MAGI1: variants seen among roughly 807,000 people sequenced by gnomAD.
The protein encoded by MAGI1 is membrane-associated guanylate kinase, WW and PDZ domain-containing protein 1.
A neutral mutation model predicts 139.9 loss-of-function variants in MAGI1; 58 were observed. That is an observed-to-expected ratio of 0.41 (90% CI 0.34 to 0.52). The LOEUF (loss-of-function observed/expected upper bound fraction) is 0.52, where lower values mean the gene tolerates loss of function less well. MAGI1 is among the 20% of genes least tolerant of loss of function. The pLI, the probability that MAGI1 is intolerant of heterozygous loss-of-function variation, is 0.12. For synonymous variants in MAGI1, 812 were observed against 737.9 expected (o/e 1.10, Z -1.63); for missense variants, 1,874 against 1,901.6 (o/e 0.99, Z 0.27).
chr3:65,519,335 G>GAC (rs35232258), intron 2 of MAGI1, among the ~76,000 whole-genome samples: 15 of 139,138 alleles, frequency 1.1e-4, no homozygotes, highest in African/African-American at 4.1e-4. Flanking sequence ...ATCATGATCT[G>GAC]ACACACACAC....
At chr3:65,645,700 A>T (rs913107056) in intron 1 of MAGI1, among the ~76,000 whole-genome samples, 1 of 152,162 alleles carries the variant, frequency 6.6e-6, no homozygotes, top group Non-Finnish European at 1.5e-5. Flanking sequence ...ATGTGGCTCT[A>T]AGAGTACATG....
At chr3:65,859,697 G>A (rs569923128) in intron 1 of MAGI1, among the ~76,000 whole-genome samples, 1 of 151,488 alleles carries the variant, frequency 6.6e-6, no homozygotes, top group African/African-American at 2.4e-5. Context: ...CGCCAGCCTG[G>A]GTGACAGAGC....
Position 65,708,419 on chromosome 3 carries a change from C to T in MAGI1, c.314-86331G>A, listed in dbSNP as rs140104011. On this transcript the variant is annotated intron_variant, in intron 1 of 22. Transcript: ENST00000402939. ...GAGGAGCAGCCAGGTGCTTGCTTCA[C>T]TGATAGAGGTGACAGACCCCTCAGA... is the stretch of plus-strand genomic sequence containing the variant. 1.2e-3 allele frequency among the ~76,000 whole-genome samples: 186 copies of T among 152,316 alleles called. 1 individual carries two copies. Among genetic ancestry groups the T allele is most frequent in the African/African-American group, 4.4e-3 (182 of 41,570 alleles).
In MAGI1 at chr3:65,419,231, C is replaced by CACACACACACACACACACAA. The variant is rs145284205; in HGVS notation, c.2167+10288_2167+10289insTTGTGTGTGTGTGTGTGTGT. Among the ~76,000 whole-genome samples the CACACACACACACACACACAA allele has an allele frequency of 3.3e-5, 5 of 150,886 alleles. No individual in the cohort carries two copies. In the East Asian group the frequency reaches 9.9e-4, roughly 30 times the overall value. ...TTTATAACACATTCATACACACACA[C>CACACACACACACACACACAA]ACACACACACACACAAGTGTATGAA... On this transcript the variant is annotated intron_variant, in intron 12 of 22. Transcript: ENST00000402939.
intron 1 of MAGI1, among the ~76,000 whole-genome samples, chr3:65,761,829 G>T (rs931552132): frequency 1.3e-5 from 2 of 152,168 alleles, no homozygotes; most frequent in Non-Finnish European, 2.9e-5. Flanking sequence ...TCCCTTCAAG[G>T]ATTGCTGAGC....
chr3:65,973,685 T>C (rs2065116317), intron 1 of MAGI1, among the ~76,000 whole-genome samples: 1 of 152,356 alleles, frequency 6.6e-6, no homozygotes, highest in Non-Finnish European at 1.5e-5. Flanking sequence ...CTTAGTTTCA[T>C]TATCCATAAA....
chr3:65,537,722 G>A (rs1462021787), intron 2 of MAGI1, among the ~76,000 whole-genome samples: 1 of 152,138 alleles, frequency 6.6e-6, no homozygotes, highest in African/African-American at 2.4e-5. Flanking sequence ...TTAAGTGAAT[G>A]CAAAGGAAAC....
chr3:65,710,159 A>G (rs2031141650), intron 1 of MAGI1, among the ~76,000 whole-genome samples: 1 of 152,164 alleles, frequency 6.6e-6, no homozygotes, highest in Admixed American at 6.5e-5. Flanking sequence ...GCAAAATACT[A>G]TAATAAGGCA....
chr3:65,507,512 C>T (rs143087806), intron 2 of MAGI1, among the ~76,000 whole-genome samples: 2 of 152,258 alleles, frequency 1.3e-5, no homozygotes, highest in East Asian at 3.9e-4. Context: ...TGGTGTTGTT[C>T]GTAACATGCT....
intron 1 of MAGI1, among the ~76,000 whole-genome samples, chr3:65,986,525 A>T (rs1329708551): frequency 6.6e-6 from 1 of 152,200 alleles, no homozygotes; most frequent in Non-Finnish European, 1.5e-5. Context: ...CCCCAGGTGC[A>T]AGTGCACACA....
rs1940229263 is a variant in MAGI1 at position 65,356,847 on chromosome 3, G to GCGTCCCTC, written c.3912_3919dup (p.Ala1307GlyfsTer131). 6.8e-6 allele frequency: 11 copies of GCGTCCCTC among 1,613,588 alleles called. No individual in the cohort carries two copies. The highest frequency in any genetic ancestry group is 1.7e-5 in the Admixed American group (1 of 59,966). Reference sequence around the variant, plus strand: ...GGCGGCTGCCGCGCGCTCGGCCTGCGCGTCCCTCCGTCCCTCCGGCGCCCG... The same window carrying GCGTCCCTC: ...GGCGGCTGCCGCGCGCTCGGCCTGCGCGTCCCTCCGTCCCTCCGTCCCTCCGGCGCCCG... On this transcript the variant is annotated frameshift_variant, in exon 23 of 23. Transcript: ENST00000402939. LOFTEE classifies it low-confidence loss of function (END_TRUNC).
chr3:65,683,340 G>C (rs1039360739), intron 1 of MAGI1, among the ~76,000 whole-genome samples: 4 of 152,084 alleles, frequency 2.6e-5, no homozygotes, highest in African/African-American at 9.7e-5. Flanking sequence ...TGTAATGAAA[G>C]CATCACCCTC....
intron 1 of MAGI1, among the ~76,000 whole-genome samples, chr3:65,713,601 G>A (rs150679099): frequency 1.7e-3 from 263 of 152,264 alleles, no homozygotes; most frequent in African/African-American, 6.1e-3. Flanking sequence ...GAGAAGGGCA[G>A]AGATACATAA....
rs1940139231 is a variant in MAGI1, at chr3:65,354,976, C to CAAAACAG, written c.*1395_*1401dup. On this transcript the variant is annotated 3_prime_UTR_variant, in exon 23 of 23. Coordinates refer to ENST00000402939, the MANE Select transcript of MAGI1 (RefSeq NM_001033057.2). ...AAGTTTTCTGTCTCTATGGAAAATG[C>CAAAACAG]AAAACAGTACTACAGAAATACACAA... The CAAAACAG allele has an allele frequency of 6.6e-6, 1 of 150,886 alleles. No homozygotes were observed. The highest frequency in any genetic ancestry group is 1.5e-5 in the Non-Finnish European group (1 of 67,864). The allele number at this position is 150,886 out of a possible 1,614,324, so 9.3% of individuals were successfully genotyped here.
At chr3:65,855,919 C>A (rs1314710318) in intron 1 of MAGI1, among the ~76,000 whole-genome samples, 1 of 151,928 alleles carries the variant, frequency 6.6e-6, no homozygotes, top group Non-Finnish European at 1.5e-5. Flanking sequence ...GCATGCCAGG[C>A]ACCCCTGGCT....
intron 2 of MAGI1, among the ~76,000 whole-genome samples, chr3:65,539,738 C>T (rs956589845): frequency 6.6e-6 from 1 of 152,188 alleles, no homozygotes; most frequent in East Asian, 1.9e-4. Context: ...GTGCCTTTAC[C>T]CACTTTCTGG....
intron 4 of MAGI1, among the ~76,000 whole-genome samples, chr3:65,472,500 A>G (rs920916066): frequency 6.6e-6 from 1 of 152,224 alleles, no homozygotes; most frequent in African/African-American, 2.4e-5. Context: ...AAAAGAAAAA[A>G]TGATGTAGAA....
chr3:65,919,778 C>A (rs1482764266), intron 1 of MAGI1, among the ~76,000 whole-genome samples: 1 of 151,954 alleles, frequency 6.6e-6, no homozygotes, highest in African/African-American at 2.4e-5. Context: ...CCATTATACA[C>A]GGCTGGAATA....
At chr3:65,743,674 C>A (rs1199732430) in intron 1 of MAGI1, among the ~76,000 whole-genome samples, 1 of 151,324 alleles carries the variant, frequency 6.6e-6, no homozygotes, top group Admixed American at 6.6e-5. Context: ...TGTGCCACTG[C>A]ACTCCAGCCT....
Sources: gnomAD v4.1 joint callset for allele counts (sites outside exome capture counted in the v4.1 genomes callset) on GRCh38, gnomAD v4.1.1 for gene constraint, MANE v1.5 for transcripts, NCBI Gene and HGNC (gene_info 2026-07-23, HGNC 2026-07-21) for gene names.